Variants in IFT140 observed in about 807,000 individuals in gnomAD.
The protein encoded by IFT140 is intraflagellar transport 140.
Under a neutral mutation model 164.6 loss-of-function variants are expected in IFT140, and 133 were observed. The observed-to-expected ratio is 0.81, with a 90% confidence interval of 0.70 to 0.93. The LOEUF is 0.93. IFT140 is among the 40% of genes least tolerant of loss of function. The pLI, the probability that IFT140 is intolerant of heterozygous loss-of-function variation, is 0.00. For synonymous variants in IFT140, 860 were observed against 817.3 expected (o/e 1.05, Z -0.89); for missense variants, 2,045 against 1,972.3 (o/e 1.04, Z -0.70).
At chr16:1,592,433 C>T (rs1433988299) in intron 5 of IFT140, 34 bp downstream of exon 5, 1 of 1,612,870 alleles carries the variant, frequency 6.2e-7, no homozygotes, top group East Asian at 2.2e-5. Flanking sequence ...GATGTAAACA[C>T]ACACACAGGT....
intron 3 of IFT140, 121 bp from the exon 4 acceptor site, chr16:1,602,712 T>G (rs1053901038): frequency 5.8e-6 from 5 of 855,534 alleles, no homozygotes; most frequent in Non-Finnish European, 9.2e-6. Flanking sequence ...GAGGCTGAGG[T>G]GGGTGGATCA....
chr16:1,530,133 C>CTTTTTTTTT (rs922819138), intron 19 of IFT140, among the ~76,000 whole-genome samples: 8 of 88,588 alleles, frequency 9.0e-5, no homozygotes, highest in African/African-American at 3.3e-4. Context: ...CGACGGGAAT[C>CTTTTTTTTT]TTTTTTTTTT....
intron 19 of IFT140, among the ~76,000 whole-genome samples, chr16:1,556,879 G>A (rs189818486): frequency 6.7e-4 from 102 of 152,262 alleles, no homozygotes; most frequent in Non-Finnish European, 1.2e-3. Flanking sequence ...GCGTGATCTT[G>A]GCTCACGGCA....
At chr16:1,578,377 C>T (rs965337336) in intron 13 of IFT140, 5 of 152,224 alleles carry the variant, frequency 3.3e-5, no homozygotes, top group East Asian at 1.9e-4. Flanking sequence ...AAAATCACAA[C>T]GATAGCTAAA....
chr16:1,571,635 G>A (rs1596386034), intron 13 of IFT140, 101 bp from the exon 14 acceptor site: 1 of 1,253,504 alleles, frequency 8.0e-7, no homozygotes, highest in Non-Finnish European at 1.1e-6. Flanking sequence ...TTTCATGTGA[G>A]TTACTGAACA....
chr16:1,559,116 G>A (rs1444918158), intron 18 of IFT140, among the ~76,000 whole-genome samples: 4 of 152,218 alleles, frequency 2.6e-5, no homozygotes, highest in Admixed American at 6.5e-5. Flanking sequence ...GCCTGAGGAC[G>A]GATGTGACTG....
intron 18 of IFT140, among the ~76,000 whole-genome samples, chr16:1,561,088 G>C (rs2141498628): frequency 6.6e-6 from 1 of 152,362 alleles, no homozygotes; most frequent in South Asian, 2.1e-4. Context: ...CCTTAGGTCA[G>C]CCAGGCTCCT....
At chr16:1,527,055 A>G (rs2745181) in intron 19 of IFT140, 199,538 of 467,608 alleles carry the variant, frequency 0.43, 48,602 homozygotes, top group African/African-American at 0.82. Context: ...TCTTATGCAG[A>G]TCACCAGGCT....
At chr16:1,583,650 T>A (rs1447697409) in intron 11 of IFT140, among the ~76,000 whole-genome samples, 1 of 151,820 alleles carries the variant, frequency 6.6e-6, no homozygotes, top group African/African-American at 2.4e-5. Flanking sequence ...AAAGAAAGTA[T>A]CCCTCTCTTT....
At chr16:1,605,404 CTTAT>C (rs1235630680) in intron 3 of IFT140, among the ~76,000 whole-genome samples, 7 of 152,016 alleles carry the variant, frequency 4.6e-5, no homozygotes, top group African/African-American at 7.2e-5. Flanking sequence ...ACCTCATTTT[CTTAT>C]TTATTTATAT....
chr16:1,564,055 G>C lies in IFT140; in HGVS notation c.2009C>G (p.Pro670Arg). The C allele has an allele frequency of 1.9e-6, 3 of 1,601,676 alleles. No individual in the cohort carries two copies. Among genetic ancestry groups the C allele is most frequent in the Non-Finnish European group, 2.6e-6 (3 of 1,170,316 alleles). ...LFVCEAVQET[P>R]RSQPQSANGQ... ...GTTTGCAGACTGAGGCTGGGAGCGCGGCGTCTCCTGCACGGCTTCGCATAC... is the reference window on the plus strand; with the variant it reads ...GTTTGCAGACTGAGGCTGGGAGCGCCGCGTCTCCTGCACGGCTTCGCATAC... The change falls in exon 17 of 31, where the codon CCG (proline) becomes CGG (arginine). Residue 670 changes from proline to arginine, a missense_variant. Physicochemically the swap from Pro to Arg is moderately radical, Grantham distance 103. Transcript: ENST00000426508. The surrounding 1 kb of genome is among the most constrained non-coding windows in gnomAD (Gnocchi z 5.5).
intron 16 of IFT140, among the ~76,000 whole-genome samples, chr16:1,565,050 C>T (rs1383945834): frequency 1.3e-5 from 2 of 152,270 alleles, no homozygotes; most frequent in East Asian, 1.9e-4. Context: ...GGGACGGGAA[C>T]GGACAGAAGG....
intron 19 of IFT140, chr16:1,555,179 C>A: frequency 2.2e-6 from 2 of 927,202 alleles, no homozygotes; most frequent in South Asian, 1.8e-5. Flanking sequence ...GACACGTGTG[C>A]GTTTACTGTT....
chr16:1,588,961 G>A (rs2035038902), intron 7 of IFT140, among the ~76,000 whole-genome samples: 1 of 152,186 alleles, frequency 6.6e-6, no homozygotes, highest in Non-Finnish European at 1.5e-5. Context: ...GGCCCCTGCA[G>A]GCTGCTTAAT....
At chr16:1,600,023 G>A (rs1293007261) in intron 4 of IFT140, among the ~76,000 whole-genome samples, 5 of 146,710 alleles carry the variant, frequency 3.4e-5, no homozygotes, top group Non-Finnish European at 7.5e-5. Context: ...CGGGAAAGGT[G>A]GGGAAAAGAT....
At chr16:1,566,134 C>T in intron 16 of IFT140, 27 bp downstream of exon 16, 2 of 1,604,134 alleles carry the variant, frequency 1.2e-6, no homozygotes, top group African/African-American at 1.3e-5. Flanking sequence ...TTTTTTCCAA[C>T]AAAATCCTCC....
At chr16:1,521,548 C>T (rs1190766816) in intron 26 of IFT140, among the ~76,000 whole-genome samples, 1 of 152,014 alleles carries the variant, frequency 6.6e-6, no homozygotes, top group African/African-American at 2.4e-5. Context: ...GCCACCATGC[C>T]CGGCTAATTT....
chr16:1,581,830 A>G (rs1307497921), intron 12 of IFT140, among the ~76,000 whole-genome samples: 24 of 119,616 alleles, frequency 2.0e-4, no homozygotes, highest in African/African-American at 5.1e-4. Context: ...GGAGGGGAGG[A>G]GAGGGGATGT....
At chr16:1,536,709 A>G (rs1334224046) in intron 19 of IFT140, among the ~76,000 whole-genome samples, 1 of 152,012 alleles carries the variant, frequency 6.6e-6, no homozygotes, top group Non-Finnish European at 1.5e-5. Flanking sequence ...ACGCGCCCAG[A>G]GTCTCCCTTG....
Sources: allele counts gnomAD v4.1 joint callset (sites outside exome capture counted in the v4.1 genomes callset), GRCh38; gene constraint gnomAD v4.1.1; non-coding constraint Gnocchi (gnomAD v3.1); transcripts MANE v1.5; gene names NCBI Gene and HGNC (gene_info 2026-07-23, HGNC 2026-07-21).